ZNF469: variants seen among roughly 807,000 people sequenced by gnomAD.
ZNF469 encodes the protein zinc finger protein 469.
In ZNF469, 1 loss-of-function variant was observed where a neutral mutation model predicts 1.0. That is an observed-to-expected ratio of 1.00 (90% confidence interval 0.35 to 4.73). The LOEUF (loss-of-function observed/expected upper bound fraction) is 4.73, where lower values mean the gene tolerates loss of function less well. ZNF469 is among the 30% of genes most tolerant of loss of function. The pLI is 0.16. For missense variants in ZNF469, 6,100 were observed against 5,356.3 expected (o/e 1.14, Z -4.33); for synonymous variants, 2,703 against 2,363.4 (o/e 1.14, Z -4.17).
upstream of ZNF469, among the ~76,000 whole-genome samples, chr16:88,382,757 T>C (rs1441425169): frequency 3.9e-5 from 6 of 152,184 alleles, no homozygotes; most frequent in Non-Finnish European, 7.4e-5. Context: ...CGTTTCCGTC[T>C]CAGCAGCAAG....
the ZNF469 span, among the ~76,000 whole-genome samples, chr16:88,111,272 C>T: frequency 6.6e-6 from 1 of 152,102 alleles, no homozygotes; most frequent in African/African-American, 2.4e-5. Flanking sequence ...TTTGTGGGTA[C>T]GTCGTAGATG....
the ZNF469 span, among the ~76,000 whole-genome samples, chr16:88,299,018 C>T: frequency 6.6e-6 from 1 of 152,170 alleles, no homozygotes; most frequent in Non-Finnish European, 1.5e-5. Context: ...CCTGCACCTC[C>T]AGAGCCCCAC....
the ZNF469 span, among the ~76,000 whole-genome samples, chr16:88,233,235 G>A: frequency 3.9e-5 from 6 of 152,332 alleles, no homozygotes; most frequent in Admixed American, 2.6e-4. Context: ...CCAGAGAGCC[G>A]TCCCCGCCAG....
In ZNF469 at chr16:88,436,457, C is replaced by G. The variant is rs982114528; in HGVS notation, c.8987C>G (p.Ala2996Gly). The G allele has an allele frequency of 9.7e-6, 15 of 1,547,316 alleles. No individual in the cohort carries two copies. The highest frequency in any genetic ancestry group is 1.2e-5 in the Non-Finnish European group (14 of 1,146,958). ...CCTGAGCTGCACATGGTCCCAGCGG[C>G]TTGGCGAGGCCTGGAGATGCCGGCC... ...AIPELHMVPA[A>G]WRGLEMPAPA... Residue 2996 changes from alanine (A) to glycine (G), a missense_variant, in exon 3 of 3, where the codon GCT (alanine) becomes GGT (glycine). Coordinates refer to ENST00000565624, the MANE Select transcript of ZNF469 (RefSeq NM_001367624.2).
chr16:88,247,140 T>G, the ZNF469 span, among the ~76,000 whole-genome samples: 5 of 149,222 alleles, frequency 3.4e-5, no homozygotes, highest in African/African-American at 5.0e-5. Flanking sequence ...AGTGGATGAG[T>G]GAGTTAGTGA....
At chr16:88,167,357 C>A in the ZNF469 span, among the ~76,000 whole-genome samples, 443 of 152,292 alleles carry the variant, frequency 2.9e-3, 4 homozygotes, top group African/African-American at 9.9e-3. Context: ...CCACCATGCC[C>A]CGCTCGCAGA....
At chr16:88,230,995 T>G in the ZNF469 span, among the ~76,000 whole-genome samples, 112,304 of 151,490 alleles carry the variant, frequency 0.74, 43,723 homozygotes, top group Middle Eastern at 0.88. Flanking sequence ...CGGCTGGAAC[T>G]CTAAAAGTCC....
the ZNF469 span, among the ~76,000 whole-genome samples, chr16:88,275,551 C>T: frequency 6.6e-6 from 1 of 152,198 alleles, no homozygotes; most frequent in South Asian, 2.1e-4. Context: ...GGCTCGGGCC[C>T]TCACAGCATC....
At chr16:88,166,826 A>T in the ZNF469 span, among the ~76,000 whole-genome samples, 1 of 148,288 alleles carries the variant, frequency 6.7e-6, no homozygotes, top group Non-Finnish European at 1.5e-5. This position sits in a 1 kb window ranked among gnomAD's most constrained non-coding sequence, Gnocchi z 4.5. Flanking sequence ...TATATAAAAT[A>T]TGTAAATATA....
rs528038930 is a variant in ZNF469 at position 88,434,349 on chromosome 16, C to T, written c.6879C>T (p.Thr2293=). 25 of 1,550,182 alleles carry T rather than the reference C, an allele frequency of 1.6e-5. No homozygotes were observed. Among genetic ancestry groups the T allele is most frequent in the Middle Eastern group, 1.7e-4 (1 of 5,992 alleles). Residue 2293 remains threonine, a synonymous_variant, in exon 3 of 3, where the codon ACC becomes ACT. Coordinates refer to ENST00000565624, the MANE Select transcript of ZNF469 (RefSeq NM_001367624.2). The part of the protein sequence containing the change: ...VRATGLSSTP[T]GDEAQAGRGL... ...CTACTGGCCTGTCCAGCACTCCCAC[C>T]GGAGATGAGGCACAGGCAGGCAGGG...
the ZNF469 span, among the ~76,000 whole-genome samples, chr16:88,313,187 T>A: frequency 2.6e-5 from 4 of 152,326 alleles, no homozygotes; most frequent in East Asian, 7.7e-4. Context: ...CTGAGATATC[T>A]TTTTGTTGCT....
In ZNF469 at chr16:88,434,785, C is replaced by G. The variant is rs1906452402; in HGVS notation, c.7315C>G (p.Leu2439Val). Residue 2439 changes from leucine to valine, a missense_variant, in exon 3 of 3, where the codon CTC becomes GTC. By Grantham distance (32) the Leu-to-Val change is conservative (BLOSUM62 1). Coordinates refer to ENST00000565624, the MANE Select transcript of ZNF469 (RefSeq NM_001367624.2). ...CCACCAGACTCCCCAGGGGGACCCCCTCGGCCCCCAAGACCTCAAACAGAG... is the reference window on the plus strand; with the variant it reads ...CCACCAGACTCCCCAGGGGGACCCCGTCGGCCCCCAAGACCTCAAACAGAG... ...ASHQTPQGDPLGPQDLKQRSR... is the reference protein window; with the variant it reads ...ASHQTPQGDPVGPQDLKQRSR... 6.5e-7 allele frequency: 1 copy of G among 1,550,282 alleles called. No homozygotes were observed. Among genetic ancestry groups the G allele is most frequent in the Non-Finnish European group, 8.7e-7 (1 of 1,146,982 alleles).
At chr16:88,183,491 C>T in the ZNF469 span, among the ~76,000 whole-genome samples, 1 of 152,198 alleles carries the variant, frequency 6.6e-6, no homozygotes, top group East Asian at 1.9e-4. Flanking sequence ...ACACGGGTCC[C>T]GCGAAGCCTG....
chr16:88,381,049 C>CACAG (rs2092522212), upstream of ZNF469, among the ~76,000 whole-genome samples: 1 of 149,558 alleles, frequency 6.7e-6, no homozygotes, highest in Non-Finnish European at 1.5e-5. Context: ...TGCACTCACA[C>CACAG]AGACACGCTC....
At position 88,397,019 on chromosome 16, in the gene ZNF469, G is replaced by A. The variant is rs559804682; in HGVS notation, c.-192+13765G>A. Among the ~76,000 whole-genome samples, 162 of 151,570 alleles carry A rather than the reference G, an allele frequency of 1.1e-3. 2 individuals are homozygous for A. Among genetic ancestry groups the A allele is most frequent in the African/African-American group, 3.8e-3 (158 of 41,302 alleles). ...AGGCCGGGAGGAGACCCTCCTGAAG[G>A]GAGGCCGGGAGGAGACCCTCATGAA... On this transcript the variant is annotated intron_variant, in intron 1 of 2. Coordinates refer to ENST00000565624, the MANE Select transcript of ZNF469 (RefSeq NM_001367624.2).
the ZNF469 span, among the ~76,000 whole-genome samples, chr16:88,182,464 A>C: frequency 0.18 from 27,677 of 151,400 alleles, 2,944 homozygotes; most frequent in South Asian, 0.37. Flanking sequence ...TCTTTGGAAG[A>C]TTCACACTTG....
intron 1 of ZNF469, among the ~76,000 whole-genome samples, chr16:88,413,469 G>A (rs879293968): frequency 6.6e-6 from 1 of 152,250 alleles, no homozygotes; most frequent in Non-Finnish European, 1.5e-5. Flanking sequence ...TGTGTTTTCT[G>A]TGTTTTTCTG....
chr16:88,419,240 G>A (rs1441288176), intron 1 of ZNF469, among the ~76,000 whole-genome samples: 1 of 152,260 alleles, frequency 6.6e-6, no homozygotes, highest in Non-Finnish European at 1.5e-5. Flanking sequence ...GGGTCAGACA[G>A]CAGGGGACGG....
At chr16:88,307,456 C>G in the ZNF469 span, among the ~76,000 whole-genome samples, 7 of 152,196 alleles carry the variant, frequency 4.6e-5, no homozygotes, top group African/African-American at 1.7e-4. Context: ...CTTACATTCC[C>G]ACGGGCAGTG....
Sources: allele counts gnomAD v4.1 joint callset (sites outside exome capture counted in the v4.1 genomes callset), GRCh38; gene constraint gnomAD v4.1.1; non-coding constraint Gnocchi (gnomAD v3.1); transcripts MANE v1.5; gene names NCBI Gene and HGNC (gene_info 2026-07-23, HGNC 2026-07-21).